Variants in UPRT observed in about 807,000 individuals in gnomAD.
The protein encoded by UPRT is uracil phosphoribosyltransferase homolog, also known as RP11-311P8.3.
Under a neutral mutation model 22.6 loss-of-function variants are expected in UPRT, and 5 were observed. That is an observed-to-expected ratio of 0.22 (90% confidence interval 0.12 to 0.47). The LOEUF is 0.47. UPRT is among the 20% of genes least tolerant of loss of function. The pLI is 0.99. For synonymous variants in UPRT, 77 were observed against 87.7 expected (o/e 0.88, Z 0.68); for missense variants, 181 against 239.9 (o/e 0.75, Z 1.62).
At chrX:75,214,999 A>ACACAC (rs1294263282) in intron 4 of UPRT, among the ~76,000 whole-genome samples, 2 of 111,242 alleles carry the variant, frequency 1.8e-5, no homozygotes, top group African/African-American at 6.5e-5. Flanking sequence ...ACACACACAC[A>ACACAC]AATAAGGCAG....
intron 4 of UPRT, among the ~76,000 whole-genome samples, chrX:75,253,068 G>A (rs749383590): frequency 2.2e-3 from 249 of 110,962 alleles, no homozygotes; most frequent in African/African-American, 7.7e-3. Flanking sequence ...GGGAGGGATA[G>A]CATTAGGAGA....
intron 4 of UPRT, among the ~76,000 whole-genome samples, chrX:75,211,591 G>A (rs1460683169): frequency 1.8e-5 from 2 of 111,460 alleles, no homozygotes; most frequent in Admixed American, 1.9e-4. Flanking sequence ...GTTTGATCAG[G>A]ATCTGGAGGT....
intron 4 of UPRT, among the ~76,000 whole-genome samples, chrX:75,204,585 C>T (rs1231659514): frequency 2.7e-5 from 3 of 111,669 alleles, no homozygotes; most frequent in African/African-American, 9.8e-5. Context: ...CCTGTGAGGG[C>T]CTGATAGGGA....
intron 4 of UPRT, among the ~76,000 whole-genome samples, chrX:75,264,452 G>A (rs2082579934): frequency 8.9e-6 from 1 of 111,760 alleles, no homozygotes; most frequent in Non-Finnish European, 1.9e-5. Context: ...TCTTCTTGTT[G>A]AATTGATCCC....
intron 4 of UPRT, among the ~76,000 whole-genome samples, chrX:75,225,243 G>T (rs2082420343): frequency 9.2e-6 from 1 of 109,198 alleles, no homozygotes; most frequent in African/African-American, 3.3e-5. Context: ...GATGTAGAAG[G>T]ATTGCTCGAG....
In UPRT at chrX:75,293,350, A is replaced by G; in HGVS notation, c.387-122A>G. ...GTATCTTGCCTCAGTAATAGTCTGT[A>G]CATGTAAGCATTTAAGCTTTTAGTA... is the stretch of plus-strand genomic sequence containing the variant. On this transcript the variant is annotated intron_variant, in intron 1 of 6. Coordinates refer to ENST00000373383, the MANE Select transcript of UPRT (RefSeq NM_145052.4). 3 of 597,140 alleles carry G rather than the reference A, an allele frequency of 5.0e-6. No individual in the cohort carries two copies. In the South Asian group the frequency reaches 1.3e-4, roughly 25 times the overall value. The allele number at this position is 597,140 out of a possible 1,213,427, so 49.2% of individuals were successfully genotyped here.
At chrX:75,212,719 C>T (rs2082383177) in intron 4 of UPRT, among the ~76,000 whole-genome samples, 1 of 111,312 alleles carries the variant, frequency 9.0e-6, no homozygotes, top group Admixed American at 9.6e-5. Flanking sequence ...TATTCTCACT[C>T]ATATGTGGGA....
intron 1 of UPRT, among the ~76,000 whole-genome samples, chrX:75,283,960 C>T (rs987261870): frequency 9.0e-6 from 1 of 111,575 alleles, no homozygotes; most frequent in East Asian, 2.8e-4. Flanking sequence ...TTAACATAAT[C>T]CTAGAATTCT....
rs1383404210 is a variant in UPRT at position 75,261,465 on chromosome X, C to G, written c.-446-29559C>G. 2.7e-5 allele frequency among the ~76,000 whole-genome samples: 3 copies of G among 111,485 alleles called. No individual in the cohort carries two copies. In the Admixed American group the frequency reaches 2.9e-4, roughly 11 times the overall value. ...CACATACACCCTCCCAAGACTAAAC[C>G]AGGAAGAAGTTGAATCTCTGAATAC... On this transcript the variant is annotated intron_variant, in intron 4 of 13. Coordinates refer to the UPRT transcript ENST00000652605.
intron 1 of UPRT, among the ~76,000 whole-genome samples, chrX:75,288,401 A>G (rs564489236): frequency 8.9e-6 from 1 of 112,218 alleles, no homozygotes; most frequent in African/African-American, 3.2e-5. Context: ...ACTTCAAGCC[A>G]CTTATGATGA....
chrX:75,235,090 A>T (rs12388879), intron 4 of UPRT, among the ~76,000 whole-genome samples: 1,449 of 111,758 alleles, frequency 0.013, 18 homozygotes, highest in African/African-American at 0.045. Context: ...TGCAAAAAAA[A>T]TGATAAAGGA....
intron 1 of UPRT, 135 bp downstream of exon 1, chrX:75,274,775 GGT>G (rs201034223): frequency 0.056 from 19,734 of 351,861 alleles, 997 homozygotes; most frequent in East Asian, 0.43. Context: ...CCTTTTATTT[GGT>G]GTGTGTGTGT....
At chrX:75,172,139 A>G (rs2082230016) in intron 4 of UPRT, among the ~76,000 whole-genome samples, 1 of 111,914 alleles carries the variant, frequency 8.9e-6, no homozygotes, top group African/African-American at 3.3e-5. Context: ...GTGGAGCTCT[A>G]GAACTCTCTA....
At chrX:75,188,381 C>G (rs781409356) in intron 4 of UPRT, among the ~76,000 whole-genome samples, 18 of 112,196 alleles carry the variant, frequency 1.6e-4, no homozygotes, top group African/African-American at 5.8e-4. Flanking sequence ...TCTGCCCGTT[C>G]TCAGATCTCC....
At chrX:75,239,371 C>T (rs1470937662) in intron 4 of UPRT, among the ~76,000 whole-genome samples, 1 of 110,921 alleles carries the variant, frequency 9.0e-6, no homozygotes, top group African/African-American at 3.3e-5. Context: ...GGATACATTC[C>T]TTGAAATATA....
At chrX:75,299,333 C>A (rs2082736495) in intron 4 of UPRT, among the ~76,000 whole-genome samples, 1 of 112,299 alleles carries the variant, frequency 8.9e-6, no homozygotes, top group Admixed American at 9.4e-5. Context: ...TTCCATAAAT[C>A]TTTTGCATTT....
chrX:75,173,783 C>T (rs1177154710), intron 4 of UPRT, among the ~76,000 whole-genome samples: 3 of 111,442 alleles, frequency 2.7e-5, no homozygotes, highest in African/African-American at 6.5e-5. Flanking sequence ...TTGAGCGCAG[C>T]GCTGGTGGGC....
chrX:75,277,295 C>T (rs985823271), intron 1 of UPRT, among the ~76,000 whole-genome samples: 3 of 110,845 alleles, frequency 2.7e-5, no homozygotes, highest in Admixed American at 9.6e-5. Flanking sequence ...CTTGCTATAG[C>T]GCTTGGAGAG....
At chrX:75,276,632 G>A in intron 1 of UPRT, among the ~76,000 whole-genome samples, 1 of 111,844 alleles carries the variant, frequency 8.9e-6, no homozygotes, top group Non-Finnish European at 1.9e-5. Flanking sequence ...CCTCGTACCA[G>A]TAGATGGGTT....
Sources: allele counts gnomAD v4.1 joint callset (sites outside exome capture counted in the v4.1 genomes callset), GRCh38; gene constraint gnomAD v4.1.1; transcripts MANE v1.5; gene names NCBI Gene and HGNC (gene_info 2026-07-23, HGNC 2026-07-21).